AGPS: variants seen among roughly 807,000 people sequenced by gnomAD.
AGPS encodes the protein alkylglycerone phosphate synthase.
In AGPS, 26 loss-of-function variants were observed where a neutral mutation model predicts 90.7. The ratio of observed to expected loss-of-function variants is 0.29; its 90% CI spans 0.21 to 0.40. The LOEUF (loss-of-function observed/expected upper bound fraction) is 0.40. AGPS is among the 10% of genes least tolerant of loss of function. AGPS has a pLI of 1.00. For missense variants in AGPS, 540 were observed against 816.1 expected, an observed-to-expected ratio of 0.66 and a Z score of 4.12; for synonymous variants, 294 against 285.3, an observed-to-expected ratio of 1.03 and a Z score of -0.31.
chr2:177,437,003 T>G lies in AGPS; in HGVS notation c.586T>G (p.Leu196Val). ...AGGTCATTGTCTTCATGAGATATTT[T>G]TGCTCAGGGAAGGAATGTTTGAGCG... ...AHGHCLHEIF[L>V]LREGMFERIP... Residue 196 changes from leucine (L) to valine (V), a missense_variant, in exon 5 of 20, where the codon TTG becomes GTG. By Grantham distance (32) the Leu-to-Val change is conservative. Transcript: ENST00000264167. 6.2e-7 allele frequency: 1 copy of G among 1,613,666 alleles called. No homozygotes were observed. Among genetic ancestry groups the G allele is most frequent in the East Asian group, 2.2e-5 (1 of 44,748 alleles).
intron 3 of AGPS, among the ~76,000 whole-genome samples, chr2:177,436,139 A>ATTTTTTTTTTTTTTTTTTTTTTT (rs1172040227): frequency 2.4e-5 from 2 of 82,124 alleles, no homozygotes; most frequent in Non-Finnish European, 4.4e-5. Context: ...GAAATGCTGA[A>ATTTTTTTTTTTTTTTTTTTTTTT]TTTTTTTTTT....
chr2:177,393,317 C>T, intron 1 of AGPS: 3 of 985,336 alleles, frequency 3.0e-6, no homozygotes, highest in Non-Finnish European at 2.4e-6. Context: ...TTAAAGGATT[C>T]CTTTTTCCTG....
At position 177,468,457 on chromosome 2, in the gene AGPS, A is replaced by G. The variant is rs915589916; in HGVS notation, c.1038A>G (p.Glu346=). 1 of 1,612,498 alleles carries G rather than the reference A, an allele frequency of 6.2e-7. No homozygotes were observed. Among genetic ancestry groups the G allele is most frequent in the Non-Finnish European group, 8.5e-7 (1 of 1,179,154 alleles). The change falls in exon 10 of 20, where the codon GAA becomes GAG. Residue 346 remains glutamate (E), a synonymous_variant. Transcript: ENST00000264167. ...TGGTAACACCTAGAGGTATAATAGAAAAAAGCTGTCAAGGACCTCGTATGT... is the reference window on the plus strand; with the variant it reads ...TGGTAACACCTAGAGGTATAATAGAGAAAAGCTGTCAAGGACCTCGTATGT... ...IKMVTPRGII[E]KSCQGPRMST... is the part of the protein sequence containing the mutation.
intron 2 of AGPS, among the ~76,000 whole-genome samples, chr2:177,432,527 A>G (rs1426775217): frequency 6.6e-6 from 1 of 152,244 alleles, no homozygotes; most frequent in Non-Finnish European, 1.5e-5. Context: ...TACCAATTCC[A>G]TGTATTCTGC....
At chr2:177,432,044 A>G (rs6720483) in intron 2 of AGPS, among the ~76,000 whole-genome samples, 131,725 of 152,188 alleles carry the variant, frequency 0.87, 57,196 homozygotes, top group East Asian at 0.98. Context: ...CTGACTTCCC[A>G]CAACATATAC....
At chr2:177,512,679 G>A (rs1190832754) in intron 16 of AGPS, among the ~76,000 whole-genome samples, 1 of 152,128 alleles carries the variant, frequency 6.6e-6, no homozygotes, top group Non-Finnish European at 1.5e-5. Flanking sequence ...CACAGAATCG[G>A]TGTTATTATG....
intron 1 of AGPS, among the ~76,000 whole-genome samples, chr2:177,394,501 AG>A (rs58355594): frequency 0.1 from 15,533 of 152,266 alleles, 1,158 homozygotes; most frequent in East Asian, 0.34. Flanking sequence ...TGAGAATGAC[AG>A]GGGACGAAGA....
intron 18 of AGPS, 39 bp from the exon 19 acceptor site, chr2:177,523,709 C>G (rs1689265367): frequency 1.3e-6 from 2 of 1,590,580 alleles, no homozygotes; most frequent in African/African-American, 2.7e-5. Context: ...AAAATGAAAT[C>G]TAACTAGCAA....
At chr2:177,510,798 T>C (rs1236734994) in intron 16 of AGPS, among the ~76,000 whole-genome samples, 1 of 152,192 alleles carries the variant, frequency 6.6e-6, no homozygotes, top group African/African-American at 2.4e-5. Flanking sequence ...TTCAAACCTT[T>C]AACTAGCTAG....
chr2:177,425,209 G>A (rs1686042526), intron 2 of AGPS, among the ~76,000 whole-genome samples: 1 of 151,946 alleles, frequency 6.6e-6, no homozygotes, highest in South Asian at 2.1e-4. Flanking sequence ...TATAGTTTTG[G>A]GTTTTACATT....
intron 18 of AGPS, among the ~76,000 whole-genome samples, chr2:177,522,982 A>G (rs1443433696): frequency 6.6e-6 from 1 of 152,198 alleles, no homozygotes; most frequent in African/African-American, 2.4e-5. Context: ...CTCTTTAGTC[A>G]TTCTATATTT....
intron 18 of AGPS, among the ~76,000 whole-genome samples, chr2:177,522,645 G>A (rs535414575): frequency 2.7e-4 from 41 of 152,248 alleles, no homozygotes; most frequent in African/African-American, 9.4e-4. Context: ...AGTAGAGACA[G>A]GGTTTCACCA....
At chr2:177,490,846 CTTTTTTTTTT>C (rs61555724) in intron 11 of AGPS, among the ~76,000 whole-genome samples, 1 of 58,200 alleles carries the variant, frequency 1.7e-5, no homozygotes, top group Non-Finnish European at 3.1e-5. Context: ...AAGTTGCAGA[CTTTTTTTTTT>C]TTTTTTTTTT....
rs1687309583 is a variant in AGPS at position 177,462,109 on chromosome 2, G to A, written c.996+91G>A. On this transcript the variant is annotated intron_variant, in intron 9 of 19. Transcript: ENST00000264167. ...GAAGCCTTTAAAAATTAAGAGTTGGGCCTGGGCGCGGTGGCCAATGCCTGT... is the reference window on the plus strand; with the variant it reads ...GAAGCCTTTAAAAATTAAGAGTTGGACCTGGGCGCGGTGGCCAATGCCTGT... 4.7e-6 allele frequency: 6 copies of A among 1,265,232 alleles called. No individual in the cohort carries two copies. In the South Asian group the frequency reaches 8.3e-5, roughly 17 times the overall value. 78.4% of individuals were successfully genotyped at this position (1,265,232 alleles called of 1,614,324 possible). A position where few individuals can be genotyped will look rare whatever the true frequency, so the allele number is the denominator to read the frequency against.
intron 9 of AGPS, 108 bp from the exon 10 acceptor site, chr2:177,468,308 C>A: frequency 1.6e-6 from 1 of 625,400 alleles, no homozygotes; most frequent in Non-Finnish European, 2.8e-6. Context: ...TATTACTTAA[C>A]CCAATACTTT....
chr2:177,514,032 T>G, intron 17 of AGPS, 124 bp downstream of exon 17: 1 of 719,434 alleles, frequency 1.4e-6, no homozygotes, highest in Non-Finnish European at 2.4e-6. Flanking sequence ...CCAGCTTTCC[T>G]AACCTTCACT....
chr2:177,442,286 A>T, intron 6 of AGPS, 121 bp from the exon 7 acceptor site: 1 of 787,946 alleles, frequency 1.3e-6, no homozygotes, highest in African/African-American at 1.7e-5. Flanking sequence ...TTTGCAAAGT[A>T]TTAATAGGTA....
At chr2:177,523,363 T>C (rs766994073) in intron 18 of AGPS, among the ~76,000 whole-genome samples, 3 of 152,214 alleles carry the variant, frequency 2.0e-5, no homozygotes, top group Non-Finnish European at 4.4e-5. Flanking sequence ...GGTACACTTA[T>C]AGGAAGCAGT....
intron 13 of AGPS, among the ~76,000 whole-genome samples, chr2:177,498,487 T>G (rs1688472697): frequency 6.6e-6 from 1 of 151,590 alleles, no homozygotes; most frequent in African/African-American, 2.4e-5. Context: ...GATTTTTCTT[T>G]TTTGGTGTAA....
Sources: allele counts gnomAD v4.1 joint callset (sites outside exome capture counted in the v4.1 genomes callset), GRCh38; gene constraint gnomAD v4.1.1; transcripts MANE v1.5; gene names NCBI Gene and HGNC (gene_info 2026-07-23, HGNC 2026-07-21).